The following SATB2 variants were observed in gnomAD, a reference collection of about 807,000 sequenced individuals.
The protein encoded by SATB2 is SATB homeobox 2.
Under a neutral mutation model 73.4 loss-of-function variants are expected in SATB2, and 1 was observed. The ratio of observed to expected loss-of-function variants is 0.01; its 90% confidence interval spans 0.00 to 0.06. The LOEUF (loss-of-function observed/expected upper bound fraction) is 0.06, where lower values mean the gene tolerates loss of function less well. Among genes scored for constraint, SATB2 ranks in the 10% least tolerant of loss-of-function variants. The pLI is 1.00. For synonymous variants in SATB2, 397 were observed against 367.0 expected (o/e 1.08, Z -0.93); for missense variants, 459 against 945.8 (o/e 0.49, Z 6.75).
At chr2:199,388,473 G>A (rs954832773) in intron 3 of SATB2, among the ~76,000 whole-genome samples, 1 of 152,124 alleles carries the variant, frequency 6.6e-6, no homozygotes, top group Non-Finnish European at 1.5e-5. Flanking sequence ...GTTTGCAGTG[G>A]CATGTAGATA....
intron 6 of SATB2, among the ~76,000 whole-genome samples, chr2:199,365,664 T>C (rs1689262353): frequency 6.6e-6 from 1 of 152,162 alleles, no homozygotes; most frequent in Non-Finnish European, 1.5e-5. Context: ...AAATGTTTAC[T>C]TCAAAATTTA....
At chr2:199,322,715 A>G (rs1687923657) in intron 9 of SATB2, among the ~76,000 whole-genome samples, 2 of 152,296 alleles carry the variant, frequency 1.3e-5, no homozygotes, top group Middle Eastern at 3.4e-3. Context: ...CCTGTACTCT[A>G]TAATTAATCT....
At chr2:199,280,780 C>T (rs941365440) in intron 10 of SATB2, among the ~76,000 whole-genome samples, 33 of 152,182 alleles carry the variant, frequency 2.2e-4, no homozygotes, top group African/African-American at 2.6e-4. Flanking sequence ...AATGCGTGCC[C>T]AAAACTTCAT....
chr2:199,341,170 T>C (rs556172615), intron 7 of SATB2, among the ~76,000 whole-genome samples: 1 of 152,334 alleles, frequency 6.6e-6, no homozygotes, highest in Non-Finnish European at 1.5e-5. Context: ...AGGTTGGAAT[T>C]CATAATCACA....
chr2:199,459,204 G>A (rs1692400846), upstream of SATB2, among the ~76,000 whole-genome samples: 1 of 152,042 alleles, frequency 6.6e-6, no homozygotes, highest in African/African-American at 2.4e-5. This position sits in a 1 kb window ranked among gnomAD's most constrained non-coding sequence, Gnocchi z 4.2. Flanking sequence ...AGGGCTGCTG[G>A]CGCCAACAGA....
chr2:199,350,533 C>T (rs7595322), intron 6 of SATB2, among the ~76,000 whole-genome samples: 119,125 of 152,106 alleles, frequency 0.78, 48,009 homozygotes, highest in South Asian at 0.91. Context: ...ATTAATACTT[C>T]ATGTAATATG....
chr2:199,404,452 G>A (rs999511396), intron 3 of SATB2, among the ~76,000 whole-genome samples: 1 of 151,990 alleles, frequency 6.6e-6, no homozygotes, highest in Non-Finnish European at 1.5e-5. Flanking sequence ...ACATACCACG[G>A]GGAAGAACAA....
chr2:199,355,556 T>A (rs1024897323), intron 6 of SATB2, among the ~76,000 whole-genome samples: 1 of 151,916 alleles, frequency 6.6e-6, no homozygotes, highest in Admixed American at 6.6e-5. Context: ...TGCCTGCCAA[T>A]AATAGCAAGG....
At chr2:199,358,198 T>C (rs774539455) in intron 6 of SATB2, among the ~76,000 whole-genome samples, 1 of 152,116 alleles carries the variant, frequency 6.6e-6, no homozygotes, top group Non-Finnish European at 1.5e-5. Flanking sequence ...CAGAATAGCA[T>C]CCCGTCTGCC....
rs555919580 is a variant in SATB2, at chr2:199,328,968, T to C, written c.1174-58A>G. The C allele has an allele frequency of 1.5e-4, 209 of 1,370,888 alleles. 3 individuals are homozygous for C. The South Asian group carries it at 2.3e-3, about 15-fold the overall frequency. 84.9% of individuals were successfully genotyped at this position (1,370,888 alleles called of 1,614,324 possible). On this transcript the variant is annotated intron_variant, in intron 7 of 10. Coordinates refer to ENST00000417098, the MANE Select transcript of SATB2 (RefSeq NM_001172509.2). ...CACATTTGCAGGTATATGTGTGTGG[T>C]TTCTGTCTTCCACCCCTCTCCTCCT... is the stretch of plus-strand genomic sequence containing the variant.
intron 2 of SATB2, among the ~76,000 whole-genome samples, chr2:199,442,004 A>G (rs769293832): frequency 6.6e-6 from 1 of 152,200 alleles, no homozygotes; most frequent in African/African-American, 2.4e-5. Context: ...AGGAATGCCA[A>G]GGCTCTAGTG....
At chr2:199,376,598 C>G (rs1049930115) in intron 5 of SATB2, among the ~76,000 whole-genome samples, 2 of 152,158 alleles carry the variant, frequency 1.3e-5, no homozygotes, top group African/African-American at 4.8e-5. Context: ...GGTTAAATTC[C>G]TGCATTATAG....
chr2:199,406,844 G>A (rs569710576), intron 3 of SATB2, among the ~76,000 whole-genome samples: 1 of 152,294 alleles, frequency 6.6e-6, no homozygotes, highest in Non-Finnish European at 1.5e-5. Flanking sequence ...TTGTGAAGCT[G>A]TGGAAATATT....
chr2:199,379,328 T>A (rs570184664), intron 5 of SATB2, among the ~76,000 whole-genome samples: 1 of 152,334 alleles, frequency 6.6e-6, no homozygotes, highest in South Asian at 2.1e-4. Flanking sequence ...TGATGCATTT[T>A]CTTCTTGTGA....
intron 8 of SATB2, among the ~76,000 whole-genome samples, chr2:199,324,163 A>G (rs1490066278): frequency 1.3e-5 from 2 of 152,036 alleles, no homozygotes; most frequent in African/African-American, 4.8e-5. Flanking sequence ...AATCCTGTCA[A>G]CCCTGTTCTC....
At chr2:199,459,219 T>G (rs1692401240), upstream of SATB2, among the ~76,000 whole-genome samples, 1 of 151,836 alleles carries the variant, frequency 6.6e-6, no homozygotes, top group Admixed American at 6.5e-5. The surrounding 1 kb of genome is among the most constrained non-coding windows in gnomAD (Gnocchi z 4.2). Flanking sequence ...AACAGAGCTG[T>G]GCCCTGAGGA....
chr2:199,284,538 C>G lies in SATB2; in HGVS notation c.1741-11866G>C, dbSNP rs115221294. ...GCTGGATTTGCCTCACCAGCGTCAA[C>G]CAAAACCACATATTGTATTAGATTA... On this transcript the variant is annotated intron_variant, in intron 10 of 10. Transcript: ENST00000417098. 2.5e-3 allele frequency among the ~76,000 whole-genome samples: 380 copies of G among 152,210 alleles called. 2 individuals are homozygous for G. The highest frequency in any genetic ancestry group is 9.0e-3 in the African/African-American group (373 of 41,538).
At chr2:199,378,987 A>C (rs967740228) in intron 5 of SATB2, among the ~76,000 whole-genome samples, 2 of 152,206 alleles carry the variant, frequency 1.3e-5, no homozygotes, top group Non-Finnish European at 2.9e-5. Flanking sequence ...CTCATGGCAC[A>C]GCAAATTTCT....
At chr2:199,380,319 C>A in intron 5 of SATB2, 45 bp downstream of exon 5, 1 of 1,613,110 alleles carries the variant, frequency 6.2e-7, no homozygotes. Context: ...GAGAGTCTAC[C>A]AATGGCTTCT....
Sources: gnomAD v4.1 joint callset for allele counts (sites outside exome capture counted in the v4.1 genomes callset) on GRCh38, gnomAD v4.1.1 for gene constraint, Gnocchi (gnomAD v3.1) non-coding constraint, MANE v1.5 for transcripts, NCBI Gene and HGNC (gene_info 2026-07-23, HGNC 2026-07-21) for gene names.